Variants in HSPG2 observed in about 807,000 individuals in gnomAD.
HSPG2 encodes basement membrane-specific heparan sulfate proteoglycan core protein.
HSPG2 carries 278 observed loss-of-function variants against 526.6 expected under a neutral mutation model. That is an observed-to-expected ratio of 0.53 (90% confidence interval 0.48 to 0.58). HSPG2 has a LOEUF of 0.58. Ranked by LOEUF, HSPG2 falls within the 20% of genes least tolerant of loss-of-function variation. HSPG2 has a pLI of 0.00. For synonymous variants in HSPG2, 2,465 were observed against 2,555.4 expected, an observed-to-expected ratio of 0.96 and a Z score of 1.07; for missense variants, 5,354 against 6,099.5, an observed-to-expected ratio of 0.88 and a Z score of 4.07.
Position 21,848,497 on chromosome 1 carries a change from G to C in HSPG2, c.7737+146C>G. On this transcript the variant is annotated intron_variant, in intron 59 of 96. Coordinates refer to ENST00000374695, the MANE Select transcript of HSPG2 (RefSeq NM_005529.7). This position sits in a 1 kb window ranked among gnomAD's most constrained non-coding sequence, Gnocchi z 4.9. ...AGGGAGCCTTATTTCTGTATTCTCA[G>C]CACTGGTCTAGGACCCATCCAGCAA... 1.1e-6 allele frequency: 1 copy of C among 937,524 alleles called. No homozygotes were observed. Among genetic ancestry groups the C allele is most frequent in the East Asian group, 2.5e-5 (1 of 40,500 alleles). The allele number at this position is 937,524 out of a possible 1,614,324, so 58.1% of individuals were successfully genotyped here.
At position 21,855,407 on chromosome 1, in the gene HSPG2, G is replaced by A; in HGVS notation, c.5894C>T (p.Thr1965Ile). The A allele has an allele frequency of 6.2e-7, 1 of 1,613,192 alleles. No individual in the cohort carries two copies. The change falls in exon 47 of 97, where the codon ACC (threonine) becomes ATC (isoleucine). Residue 1965 changes from threonine to isoleucine, a missense_variant. Coordinates refer to ENST00000374695, the MANE Select transcript of HSPG2 (RefSeq NM_005529.7). Reference protein sequence around the residue: ...GPRVQVSPERTQVHAGRTVRL... With the variant: ...GPRVQVSPERIQVHAGRTVRL... ...GACGGTGCGGCCTGCGTGGACCTGGGTCCTCTCTGGGCTCACTTGGACTCT... is the reference window on the plus strand; with the variant it reads ...GACGGTGCGGCCTGCGTGGACCTGGATCCTCTCTGGGCTCACTTGGACTCT...
Position 21,890,731 on chromosome 1 carries a change from G to T in HSPG2, c.245-37C>A. The T allele has an allele frequency of 1.3e-6, 2 of 1,500,916 alleles. No individual in the cohort carries two copies. Among genetic ancestry groups the T allele is most frequent in the African/African-American group, 1.4e-5 (1 of 72,926 alleles). The allele number at this position is 1,500,916 out of a possible 1,614,324, so 93.0% of individuals were successfully genotyped here. Reference sequence around the variant, plus strand: ...AAGGAGGATCATTTTGAGAGCCCCAGCCTGGCATCTAGTGGCCTTAGGCAG... The same window carrying T: ...AAGGAGGATCATTTTGAGAGCCCCATCCTGGCATCTAGTGGCCTTAGGCAG... On this transcript the variant is annotated intron_variant, in intron 3 of 96. Transcript: ENST00000374695. The surrounding 1 kb of genome is among the most constrained non-coding windows in gnomAD (Gnocchi z 4.1).
At chr1:21,857,666 T>A (rs1025990801) in intron 42 of HSPG2, among the ~76,000 whole-genome samples, 3 of 152,088 alleles carry the variant, frequency 2.0e-5, no homozygotes, top group Admixed American at 6.5e-5. Flanking sequence ...TCCTGACACA[T>A]CACACCCCAC....
chr1:21,831,297 C>T lies in HSPG2; in HGVS notation c.11480G>A (p.Gly3827Asp). 1 of 1,614,076 alleles carries T rather than the reference C, an allele frequency of 6.2e-7. No individual in the cohort carries two copies. The highest frequency in any genetic ancestry group is 1.1e-5 in the South Asian group (1 of 91,084). Reference protein sequence around the residue: ...IGCVRELRIQGEEIVFHDLNL... With the variant: ...IGCVRELRIQDEEIVFHDLNL... ...GAGGTCATGGAAGACGATCTCCTCG[C>T]CCTGGATGCGCAGCTCCCGGACACA... Residue 3827 changes from glycine to aspartate, a missense_variant, in exon 84 of 97, where the codon GGC becomes GAC. By Grantham distance (94) the Gly-to-Asp change is moderately conservative. Coordinates refer to ENST00000374695, the MANE Select transcript of HSPG2 (RefSeq NM_005529.7).
Position 21,879,061 on chromosome 1 carries a change from C to A in HSPG2, c.2404G>T (p.Asp802Tyr), listed in dbSNP as rs773949515. Residue 802 changes from aspartate to tyrosine, a missense_variant, in exon 18 of 97, where the codon GAC becomes TAC. Asp to Tyr is a radical substitution (Grantham distance 160, BLOSUM62 -3). Coordinates refer to ENST00000374695, the MANE Select transcript of HSPG2 (RefSeq NM_005529.7). The part of the protein sequence containing the change: ...CNKCKAGFFG[D>Y]AMKATATSCR... Reference sequence around the variant, plus strand: ...GAAGTGGCCGTGGCCTTCATGGCGTCCCCAAAGAAGCCAGCCTTGCACTTG... The same window carrying A: ...GAAGTGGCCGTGGCCTTCATGGCGTACCCAAAGAAGCCAGCCTTGCACTTG... The A allele has an allele frequency of 2.7e-5, 43 of 1,614,100 alleles. No individual in the cohort carries two copies. Among genetic ancestry groups the A allele is most frequent in the Non-Finnish European group, 3.6e-5 (43 of 1,180,030 alleles).
rs57169149 is a variant in HSPG2, at chr1:21,873,256, T to G, written c.3793+119A>C. 4,896 of 1,280,954 alleles carry G rather than the reference T, an allele frequency of 3.8e-3. 155 individuals carry two copies. The African/African-American group carries it at 0.061, about 16-fold the overall frequency. The allele number at this position is 1,280,954 out of a possible 1,614,324, so 79.3% of individuals were successfully genotyped here. ...GTGGGGCCTTCTCCTATCCCCATTT[T>G]ACAGATGAAGAAACAGGCTCGGACA... On this transcript the variant is annotated intron_variant, in intron 30 of 96. Coordinates refer to ENST00000374695, the MANE Select transcript of HSPG2 (RefSeq NM_005529.7).
At chr1:21,875,095 C>T (rs1047026859) in intron 25 of HSPG2, 93 bp from the exon 26 acceptor site, 73 of 925,462 alleles carry the variant, frequency 7.9e-5, no homozygotes, top group South Asian at 2.6e-4. Context: ...TTAGTCCTCC[C>T]GACAGCCCTG....
Position 21,855,905 on chromosome 1 carries a change from GC to G in HSPG2, c.5582del (p.Gly1861AlafsTer100). 6.2e-7 allele frequency: 1 copy of G among 1,609,526 alleles called. No individual in the cohort carries two copies. On this transcript the variant is annotated frameshift_variant, in exon 45 of 97. Coordinates refer to ENST00000374695, the MANE Select transcript of HSPG2 (RefSeq NM_005529.7). LOFTEE classifies it high-confidence loss of function. ...TGGAGACCACGGGGGCGGACAAGGT[GC>G]CCGAGGCTGACAAGGGAGGAAAAGG... ...GTATLHVQAS[G>X]TLSAPVVSIH...
intron 87 of HSPG2, 149 bp downstream of exon 87, chr1:21,829,234 C>A (rs1210745780): frequency 2.0e-5 from 27 of 1,350,662 alleles, no homozygotes; most frequent in Non-Finnish European, 2.7e-5. Context: ...TAGGGATTGG[C>A]CTCAAGTGAC....
rs759316114 is a variant in HSPG2 at position 21,831,415 on chromosome 1, C to A, written c.11452+48G>T. The A allele has an allele frequency of 5.0e-6, 8 of 1,606,662 alleles. No individual in the cohort carries two copies. The South Asian group carries it at 7.7e-5, about 15-fold the overall frequency. On this transcript the variant is annotated intron_variant, in intron 83 of 96. Transcript: ENST00000374695. ...CCCAGGCTCTCCAGGGCTCTTCCAG[C>A]CAGCCAGGTAAGGCCCAGCCTCAGC...
chr1:21,915,177 G>A (rs985350870), intron 1 of HSPG2, among the ~76,000 whole-genome samples: 4 of 140,590 alleles, frequency 2.8e-5, no homozygotes, highest in South Asian at 2.5e-4. Flanking sequence ...GCCCTGATAC[G>A]GGCGCGTTAG....
rs1172125782 is a variant in HSPG2, at chr1:21,864,184, C to G, written c.4656G>C (p.Gly1552=). 7.7e-6 allele frequency: 12 copies of G among 1,553,820 alleles called. No individual in the cohort carries two copies. The South Asian group carries it at 1.4e-4, about 18-fold the overall frequency. Reference sequence around the variant, plus strand: ...CGCAGTGGCCGAGGTAGAGCCCACTCCCGGTGCGCGTGTAGCCGGGGGCAC... The same window carrying G: ...CGCAGTGGCCGAGGTAGAGCCCACTGCCGGTGCGCGTGTAGCCGGGGGCAC... ...QDCAPGYTRT[G]SGLYLGHCEL... is the part of the protein sequence containing the mutation. The change falls in exon 37 of 97, where the codon GGG becomes GGC. Residue 1552 remains glycine, a synonymous_variant. Transcript: ENST00000374695. This position sits in a 1 kb window ranked among gnomAD's most constrained non-coding sequence, Gnocchi z 4.8.
rs6658388 is a variant in HSPG2 at position 21,850,007 on chromosome 1, G to T, written c.7446+34C>A. On this transcript the variant is annotated intron_variant, in intron 57 of 96. Coordinates refer to ENST00000374695, the MANE Select transcript of HSPG2 (RefSeq NM_005529.7). ...CTATGCTCTTGTACTGCAGCTACAGGGTCCTTCAGGCTTCCTGAGCTCCTG... is the reference window on the plus strand; with the variant it reads ...CTATGCTCTTGTACTGCAGCTACAGTGTCCTTCAGGCTTCCTGAGCTCCTG... The T allele has an allele frequency of 0.17, 279,231 of 1,610,700 alleles. 26,030 individuals carry two copies. Among genetic ancestry groups the T allele is most frequent in the South Asian group, 0.27 (24,159 of 91,008 alleles).
intron 1 of HSPG2, among the ~76,000 whole-genome samples, chr1:21,928,732 G>A (rs371146208): frequency 2.0e-5 from 3 of 147,118 alleles, no homozygotes; most frequent in East Asian, 2.1e-4. Flanking sequence ...GTGAGCCACC[G>A]CGCCCATCCT....
chr1:21,865,779 T>G lies in HSPG2; in HGVS notation c.4252A>C (p.Thr1418Pro). The G allele has an allele frequency of 6.2e-7, 1 of 1,613,432 alleles. No individual in the cohort carries two copies. Among genetic ancestry groups the G allele is most frequent in the Non-Finnish European group, 8.5e-7 (1 of 1,179,926 alleles). The change falls in exon 34 of 97, where the codon ACC (threonine) becomes CCC (proline). Residue 1418 changes from threonine (T) to proline (P), a missense_variant. Transcript: ENST00000374695. This position sits in a 1 kb window ranked among gnomAD's most constrained non-coding sequence, Gnocchi z 5.4. ...VAAYGGKLRY[T>P]LSYTAGPQGS... ...TGTGGGCCTGCTGTGTAGGAGAGGGTGTATCGCAACTTCCCACCGTAGGCC... is the reference window on the plus strand; with the variant it reads ...TGTGGGCCTGCTGTGTAGGAGAGGGGGTATCGCAACTTCCCACCGTAGGCC...
chr1:21,872,918 C>T lies in HSPG2; in HGVS notation c.3888+79G>A. 6.4e-7 allele frequency: 1 copy of T among 1,553,304 alleles called. No individual in the cohort carries two copies. Among genetic ancestry groups the T allele is most frequent in the Non-Finnish European group, 8.9e-7 (1 of 1,125,476 alleles). On this transcript the variant is annotated intron_variant, in intron 31 of 96. Coordinates refer to ENST00000374695, the MANE Select transcript of HSPG2 (RefSeq NM_005529.7). The surrounding 1 kb of genome is among the most constrained non-coding windows in gnomAD (Gnocchi z 5.5). Reference sequence around the variant, plus strand: ...CCCCATGCCCAGGTCTCGGCTTCCACCAGATGCTGCCTGATTTCCCCGCAG... The same window carrying T: ...CCCCATGCCCAGGTCTCGGCTTCCATCAGATGCTGCCTGATTTCCCCGCAG...
At chr1:21,838,135 C>CA (rs35291473) in intron 74 of HSPG2, among the ~76,000 whole-genome samples, 47,560 of 75,250 alleles carry the variant, frequency 0.63, 14,454 homozygotes, top group Middle Eastern at 0.68. Context: ...GATTCTGTCT[C>CA]AAAAAAAAAA....
At chr1:21,870,762 A>G in intron 33 of HSPG2, 1 of 887,344 alleles carries the variant, frequency 1.1e-6, no homozygotes, top group Non-Finnish European at 1.4e-6. Flanking sequence ...CTCCCCACGC[A>G]GGGCTGGGAG....
At chr1:21,917,797 C>T (rs1401553010) in intron 1 of HSPG2, among the ~76,000 whole-genome samples, 11 of 152,134 alleles carry the variant, frequency 7.2e-5, no homozygotes. Flanking sequence ...TTTTTGGAAC[C>T]CCTATAAAGA....
Sources: allele counts gnomAD v4.1 joint callset (sites outside exome capture counted in the v4.1 genomes callset), GRCh38; gene constraint gnomAD v4.1.1; non-coding constraint Gnocchi (gnomAD v3.1); transcripts MANE v1.5; gene names NCBI Gene and HGNC (gene_info 2026-07-23, HGNC 2026-07-21).